The following PDE9A variants were observed in gnomAD, a reference collection of about 807,000 sequenced individuals.
PDE9A encodes the protein phosphodiesterase 9A, also known as high affinity cGMP-specific 3',5'-cyclic phosphodiesterase 9A.
A neutral mutation model predicts 87.4 loss-of-function variants in PDE9A; 60 were observed. The observed-to-expected ratio is 0.69, with a 90% CI of 0.56 to 0.85. The LOEUF is 0.85. PDE9A is among the 40% of genes least tolerant of loss of function. The probability of loss-of-function intolerance (pLI) is 0.00; values close to 1 mark genes in which losing one functional copy is unlikely to be tolerated. For synonymous variants in PDE9A, 272 were observed against 279.4 expected, an observed-to-expected ratio of 0.97 and a Z score of 0.27; for missense variants, 665 against 779.0, an observed-to-expected ratio of 0.85 and a Z score of 1.74.
rs369972172 is a variant in PDE9A, at chr21:42,715,188, C to CTTTTTT, written c.262+16192_262+16197dup. 4.1e-4 allele frequency among the ~76,000 whole-genome samples: 43 copies of CTTTTTT among 104,632 alleles called. 1 individual carries two copies. The highest frequency in any genetic ancestry group is 8.9e-4 in the African/African-American group (22 of 24,614). 68.6% of individuals were successfully genotyped at this position (104,632 alleles called of 152,430 possible). A position where few individuals can be genotyped will look rare whatever the true frequency, so the allele number is the denominator to read the frequency against. On this transcript the variant is annotated intron_variant, in intron 4 of 19. Coordinates refer to ENST00000291539, the MANE Select transcript of PDE9A (RefSeq NM_002606.3). ...GTAAGTGTTACAATATGCATCTTTA[C>CTTTTTT]TTTTTTTTTTTTTTTTTTTTACAAT...
Position 42,768,176 on chromosome 21 carries a change from C to A in PDE9A, c.1357-12C>A, listed in dbSNP as rs113314324. On this transcript the variant is annotated splice_polypyrimidine_tract_variant and intron_variant, in intron 15 of 19. Transcript: ENST00000291539. ...CCTCCTGTTACCTCAATTCCAAAATCTCTTCTTTCAGCTGAAGATGATTTT... is the reference window on the plus strand; with the variant it reads ...CCTCCTGTTACCTCAATTCCAAAATATCTTCTTTCAGCTGAAGATGATTTT... 50 of 1,555,262 alleles carry A rather than the reference C, an allele frequency of 3.2e-5. No homozygotes were observed. In the African/African-American group the frequency reaches 4.2e-4, roughly 13 times the overall value.
intron 1 of PDE9A, among the ~76,000 whole-genome samples, chr21:42,681,333 T>C (rs954887048): frequency 6.6e-6 from 1 of 152,210 alleles, no homozygotes; most frequent in African/African-American, 2.4e-5. Context: ...GATATAGACA[T>C]TAAATAATCT....
rs2048678191 is a variant in PDE9A, at chr21:42,704,700, G to A, written c.262+5689G>A. Among the ~76,000 whole-genome samples the A allele has an allele frequency of 6.6e-6, 1 of 151,744 alleles. No individual in the cohort carries two copies. The highest frequency in any genetic ancestry group is 1.5e-5 in the Non-Finnish European group (1 of 67,908). ...TGTGAATCAACAGACCACATTTCCA[G>A]TGGCAGAAAAGGAAATGGGAGCTGT... On this transcript the variant is annotated intron_variant, in intron 4 of 19. Coordinates refer to ENST00000291539, the MANE Select transcript of PDE9A (RefSeq NM_002606.3). This position sits in a 1 kb window ranked among gnomAD's most constrained non-coding sequence, Gnocchi z 5.3.
chr21:42,682,714 G>C (rs1283971797), intron 1 of PDE9A, among the ~76,000 whole-genome samples: 5 of 152,192 alleles, frequency 3.3e-5, no homozygotes, highest in Non-Finnish European at 5.9e-5. Flanking sequence ...GTGACCCTGA[G>C]AGCCCCTACC....
intron 16 of PDE9A, 193 bp downstream of exon 16, chr21:42,768,485 G>T: frequency 1.7e-6 from 2 of 1,208,192 alleles, no homozygotes; most frequent in Non-Finnish European, 1.1e-6. Context: ...CTGAAAGACA[G>T]TAACAATCCA....
chr21:42,661,093 G>A (rs34909767), intron 1 of PDE9A, among the ~76,000 whole-genome samples: 8,318 of 151,120 alleles, frequency 0.055, 309 homozygotes, highest in Middle Eastern at 0.1. Flanking sequence ...GTGCAGTGGC[G>A]TGATCTCGGC....
At chr21:42,746,195 G>A (rs557835288) in intron 8 of PDE9A, among the ~76,000 whole-genome samples, 11 of 152,368 alleles carry the variant, frequency 7.2e-5, no homozygotes, top group South Asian at 2.1e-4. Context: ...GCCGCTCCTG[G>A]CGTGGTTTCT....
At chr21:42,750,336 G>A (rs2054282886) in intron 8 of PDE9A, among the ~76,000 whole-genome samples, 1 of 152,052 alleles carries the variant, frequency 6.6e-6, no homozygotes, top group African/African-American at 2.4e-5. Flanking sequence ...AGGTAAAAGC[G>A]GCCACCCATG....
intron 8 of PDE9A, among the ~76,000 whole-genome samples, chr21:42,746,144 C>T (rs2053823823): frequency 6.6e-6 from 1 of 152,254 alleles, no homozygotes; most frequent in Admixed American, 6.5e-5. Context: ...GCCTGATGGG[C>T]ACCCGCTCTG....
intron 1 of PDE9A, among the ~76,000 whole-genome samples, chr21:42,670,517 C>G (rs1400828212): frequency 6.9e-6 from 1 of 144,816 alleles, no homozygotes; most frequent in Non-Finnish European, 1.5e-5. Context: ...TTCACACACA[C>G]AGGCAATCAC....
Position 42,759,980 on chromosome 21 carries a change from A to T in PDE9A, c.898-348A>T, listed in dbSNP as rs753104823. Among the ~76,000 whole-genome samples the T allele has an allele frequency of 6.6e-6, 1 of 151,990 alleles. No homozygotes were observed. Among genetic ancestry groups the T allele is most frequent in the Non-Finnish European group, 1.5e-5 (1 of 67,980 alleles). On this transcript the variant is annotated intron_variant, in intron 11 of 19. Coordinates refer to ENST00000291539, the MANE Select transcript of PDE9A (RefSeq NM_002606.3). The surrounding 1 kb of genome is among the most constrained non-coding windows in gnomAD (Gnocchi z 7.2). ...GGTTTCATGGTGACTGGGGACCCAGAGCTCCCTCTTGGAGTCTCCCCTCCC... is the reference window on the plus strand; with the variant it reads ...GGTTTCATGGTGACTGGGGACCCAGTGCTCCCTCTTGGAGTCTCCCCTCCC...
intron 7 of PDE9A, among the ~76,000 whole-genome samples, chr21:42,738,604 G>A (rs2052742060): frequency 6.6e-6 from 1 of 152,198 alleles, no homozygotes; most frequent in Non-Finnish European, 1.5e-5. Flanking sequence ...GCCAGCGTCT[G>A]TCAGAAAATC....
intron 1 of PDE9A, among the ~76,000 whole-genome samples, chr21:42,677,620 C>T (rs974440345): frequency 6.6e-6 from 1 of 151,788 alleles, no homozygotes; most frequent in Admixed American, 6.6e-5. Flanking sequence ...ATGCTCAACT[C>T]AAACCTCAGT....
intron 4 of PDE9A, among the ~76,000 whole-genome samples, chr21:42,721,837 T>C (rs7281934): frequency 0.64 from 97,549 of 151,842 alleles, 31,895 homozygotes; most frequent in East Asian, 0.94. Context: ...GGCACCCTGC[T>C]CCCACCCCCC....
chr21:42,746,607 T>G (rs1040381577), intron 8 of PDE9A, among the ~76,000 whole-genome samples: 2 of 152,228 alleles, frequency 1.3e-5, no homozygotes, highest in African/African-American at 2.4e-5. Context: ...TGTCCCCAAA[T>G]GAGGTCACCC....
chr21:42,655,789 G>A (rs970780047), intron 1 of PDE9A, among the ~76,000 whole-genome samples: 3 of 152,174 alleles, frequency 2.0e-5, no homozygotes, highest in African/African-American at 7.2e-5. Context: ...TGCAAACAGG[G>A]AGGCGCCAGA....
At chr21:42,737,091 T>A (rs1031629033) in intron 7 of PDE9A, among the ~76,000 whole-genome samples, 1 of 152,154 alleles carries the variant, frequency 6.6e-6, no homozygotes, top group Non-Finnish European at 1.5e-5. Context: ...GGCCACTGGG[T>A]AGGTGCGCGC....
intron 14 of PDE9A, among the ~76,000 whole-genome samples, chr21:42,762,989 G>T (rs527795387): frequency 3.9e-5 from 6 of 152,154 alleles, no homozygotes; most frequent in African/African-American, 9.7e-5. Flanking sequence ...CACCACGCCC[G>T]GCCACCCCTT....
At chr21:42,765,120 T>C (rs1199423537) in intron 14 of PDE9A, among the ~76,000 whole-genome samples, 1 of 150,944 alleles carries the variant, frequency 6.6e-6, no homozygotes, top group African/African-American at 2.4e-5. Context: ...GAAGGATGGA[T>C]GGATAAATGG....
Sources: gnomAD v4.1 joint callset for allele counts (sites outside exome capture counted in the v4.1 genomes callset) on GRCh38, gnomAD v4.1.1 for gene constraint, Gnocchi (gnomAD v3.1) non-coding constraint, MANE v1.5 for transcripts, NCBI Gene and HGNC (gene_info 2026-07-23, HGNC 2026-07-21) for gene names.